AMTN: variants seen among roughly 807,000 people sequenced by gnomAD.
The protein encoded by AMTN is amelotin.
AMTN carries 29 observed loss-of-function variants against 27.4 expected under a neutral mutation model. The observed-to-expected ratio is 1.06, with a 90% CI of 0.79 to 1.44. AMTN has a LOEUF of 1.44. Among genes scored for constraint, AMTN ranks in the 40% most tolerant of loss-of-function variants. The pLI, the probability that AMTN is intolerant of heterozygous loss-of-function variation, is 0.00. For missense variants in AMTN, 247 were observed against 248.8 expected (o/e 0.99, Z 0.05); for synonymous variants, 86 against 95.7 (o/e 0.90, Z 0.59).
intron 5 of AMTN, among the ~76,000 whole-genome samples, 172 bp from the exon 6 acceptor site, chr4:70,528,551 G>A (rs1736147500): frequency 6.6e-6 from 1 of 152,160 alleles, no homozygotes. Context: ...TCAGGAGGCT[G>A]AGGCAGGAGA....
Position 70,529,191 on chromosome 4 carries a change from T to A in AMTN, c.338T>A (p.Ile113Asn). The change falls in exon 7 of 9, where the codon ATC becomes AAC. Residue 113 changes from isoleucine (I) to asparagine (N), a missense_variant. Ile to Asn is a moderately radical substitution (Grantham distance 149). Coordinates refer to ENST00000339336, the MANE Select transcript of AMTN (RefSeq NM_212557.4). ...FVTQLGAQGT[I>N]LSSEELPQIF... ...TTGTCATTTTGCTTTTAGGGCACTATCCTAAGCTCAGAGGAATTGGTAAAA... is the reference window on the plus strand; with the variant it reads ...TTGTCATTTTGCTTTTAGGGCACTAACCTAAGCTCAGAGGAATTGGTAAAA... 1 of 1,556,246 alleles carries A rather than the reference T, an allele frequency of 6.4e-7. No individual in the cohort carries two copies. The highest frequency in any genetic ancestry group is 8.6e-7 in the Non-Finnish European group (1 of 1,157,392).
At chr4:70,519,874 C>T (rs952497145) in intron 2 of AMTN, among the ~76,000 whole-genome samples, 1 of 151,578 alleles carries the variant, frequency 6.6e-6, no homozygotes, top group Non-Finnish European at 1.5e-5. Flanking sequence ...ATACGGTAGC[C>T]AACCTCCTTC....
At chr4:70,531,410 G>C in intron 8 of AMTN, 110 bp downstream of exon 8, 1 of 1,420,418 alleles carries the variant, frequency 7.0e-7, no homozygotes, top group South Asian at 1.4e-5. Flanking sequence ...AGTAAGATTA[G>C]GAAGCCCCTT....
chr4:70,530,968 T>C (rs1316859140), intron 7 of AMTN, 71 bp from the exon 8 acceptor site: 2 of 1,558,232 alleles, frequency 1.3e-6, no homozygotes, highest in African/African-American at 2.7e-5. Flanking sequence ...TACCCAAACT[T>C]GCTCCCCTTA....
At chr4:70,523,346 C>T (rs773579847) in intron 3 of AMTN, among the ~76,000 whole-genome samples, 2 of 152,154 alleles carry the variant, frequency 1.3e-5, no homozygotes, top group Non-Finnish European at 2.9e-5. Context: ...TTGAAAACTG[C>T]ATTATCTTTT....
chr4:70,521,392 AAAG>A (rs1392388642), intron 2 of AMTN, among the ~76,000 whole-genome samples: 25 of 135,484 alleles, frequency 1.8e-4, no homozygotes, highest in Middle Eastern at 7.6e-3. Flanking sequence ...AAAAAAAAAA[AAAG>A]AAGAAGAAAA....
At chr4:70,518,939 A>G in intron 2 of AMTN, 108 bp downstream of exon 2, 1 of 876,632 alleles carries the variant, frequency 1.1e-6, no homozygotes, top group Non-Finnish European at 1.9e-6. Flanking sequence ...TTTGTGACTC[A>G]TTCCCTGAGA....
At chr4:70,523,227 C>G (rs987267987) in intron 3 of AMTN, among the ~76,000 whole-genome samples, 11 of 152,166 alleles carry the variant, frequency 7.2e-5, no homozygotes, top group Non-Finnish European at 1.6e-4. Flanking sequence ...CAGAGATGAT[C>G]TATAAAAAAT....
rs546230932 is a variant in AMTN at position 70,524,981 on chromosome 4, C to T, written c.294+20C>T. Reference sequence around the variant, plus strand: ...CCACATGTAAGTTGAACAGCTGGACCTTAGTTTTAACATTAGAGAGCATTT... The same window carrying T: ...CCACATGTAAGTTGAACAGCTGGACTTTAGTTTTAACATTAGAGAGCATTT... On this transcript the variant is annotated intron_variant, in intron 5 of 8. Transcript: ENST00000339336. The T allele has an allele frequency of 6.2e-7, 1 of 1,607,204 alleles. No individual in the cohort carries two copies. The highest frequency in any genetic ancestry group is 2.2e-5 in the East Asian group (1 of 44,794).
At chr4:70,524,496 G>A (rs919916802) in intron 4 of AMTN, among the ~76,000 whole-genome samples, 10 of 152,042 alleles carry the variant, frequency 6.6e-5, no homozygotes, top group Admixed American at 3.9e-4. Context: ...TAATTTTCAC[G>A]CATAACCTAG....
chr4:70,524,862 T>C lies in AMTN; in HGVS notation c.205-10T>C. ...AAAATACAATGAAAGTCTTCTTCCT[T>C]GCCCTACAGTTAAATCCTGCTGCAG... On this transcript the variant is annotated splice_polypyrimidine_tract_variant and intron_variant, in intron 4 of 8. Transcript: ENST00000339336. The C allele has an allele frequency of 6.2e-7, 1 of 1,613,038 alleles. No homozygotes were observed. Among genetic ancestry groups the C allele is most frequent in the Non-Finnish European group, 8.5e-7 (1 of 1,179,134 alleles).
intron 2 of AMTN, among the ~76,000 whole-genome samples, chr4:70,520,864 G>A (rs1451149175): frequency 6.6e-6 from 1 of 152,140 alleles, no homozygotes; most frequent in African/African-American, 2.4e-5. Flanking sequence ...AGGTGAGAGA[G>A]TAAAGCCAAT....
rs1735872742 is a variant in AMTN, at chr4:70,518,674, T to C, written c.-16+20T>C. 2.2e-6 allele frequency: 2 copies of C among 920,126 alleles called. No homozygotes were observed. Among genetic ancestry groups the C allele is most frequent in the Non-Finnish European group, 3.5e-6 (2 of 568,930 alleles). 57.0% of individuals were successfully genotyped at this position (920,126 alleles called of 1,614,324 possible). ...CCAAAGGTAACATTAATTGACCATG[T>C]TTCAAGTAGAACTTTTGTTTTTAAA... On this transcript the variant is annotated intron_variant, in intron 1 of 8. Coordinates refer to ENST00000339336, the MANE Select transcript of AMTN (RefSeq NM_212557.4).
Position 70,532,064 on chromosome 4 carries a change from A to G in AMTN, c.620-391A>G, listed in dbSNP as rs75777415. 7.2e-3 allele frequency among the ~76,000 whole-genome samples: 1,096 copies of G among 152,296 alleles called. 12 individuals carry two copies. Among genetic ancestry groups the G allele is most frequent in the African/African-American group, 0.025 (1,040 of 41,560 alleles). On this transcript the variant is annotated intron_variant, in intron 8 of 8. Coordinates refer to ENST00000339336, the MANE Select transcript of AMTN (RefSeq NM_212557.4). ...CCCCAATACACACACACGCACATAG[A>G]AGCCTATAGGAGACACACTTCAGTT...
chr4:70,530,990 A>C, intron 7 of AMTN, 49 bp from the exon 8 acceptor site: 1 of 1,603,152 alleles, frequency 6.2e-7, no homozygotes, highest in Non-Finnish European at 8.5e-7. Flanking sequence ...AAGAGAAAAG[A>C]AAATGTGTTG....
chr4:70,529,002 C>A (rs1480651831), intron 6 of AMTN, among the ~76,000 whole-genome samples, 182 bp from the exon 7 acceptor site: 1 of 152,116 alleles, frequency 6.6e-6, no homozygotes, highest in African/African-American at 2.4e-5. Flanking sequence ...TGTCAGCAGT[C>A]TCACATCATA....
chr4:70,524,865 C>T lies in AMTN; in HGVS notation c.205-7C>T, dbSNP rs377035574. 641 of 1,613,426 alleles carry T rather than the reference C, an allele frequency of 4.0e-4. 1 individual carries two copies. The African/African-American group carries it at 7.4e-3, about 19-fold the overall frequency. ...ATACAATGAAAGTCTTCTTCCTTGC[C>T]CTACAGTTAAATCCTGCTGCAGGAA... On this transcript the variant is annotated splice_polypyrimidine_tract_variant and splice_region_variant and intron_variant, in intron 4 of 8. Coordinates refer to ENST00000339336, the MANE Select transcript of AMTN (RefSeq NM_212557.4).
At chr4:70,518,711 T>C in intron 1 of AMTN, 52 bp from the exon 2 acceptor site, 2 of 1,288,488 alleles carry the variant, frequency 1.6e-6, no homozygotes, top group East Asian at 2.3e-5. Context: ...TATCATTTTC[T>C]CTTAAAAGGA....
intron 5 of AMTN, among the ~76,000 whole-genome samples, chr4:70,527,472 G>C (rs1011304247): frequency 3.9e-5 from 6 of 152,100 alleles, no homozygotes; most frequent in Admixed American, 1.3e-4. Flanking sequence ...CCACGTGAAG[G>C]CTAGTTGGGT....
Sources: gnomAD v4.1 joint callset for allele counts (sites outside exome capture counted in the v4.1 genomes callset) on GRCh38, gnomAD v4.1.1 for gene constraint, MANE v1.5 for transcripts, NCBI Gene and HGNC (gene_info 2026-07-23, HGNC 2026-07-21) for gene names.